The following RELL1 variants were observed in gnomAD, a reference collection of about 807,000 sequenced individuals.
The protein encoded by RELL1 is RELT-like protein 1.
RELL1 carries 10 observed loss-of-function variants against 23.0 expected under a neutral mutation model. That is an observed-to-expected ratio of 0.43 (90% CI 0.27 to 0.74). The LOEUF (loss-of-function observed/expected upper bound fraction) is 0.74. Among genes scored for constraint, RELL1 ranks in the 30% least tolerant of loss-of-function variants. The pLI is 0.19. For synonymous variants in RELL1, 146 were observed against 146.8 expected, an observed-to-expected ratio of 0.99 and a Z score of 0.04; for missense variants, 315 against 364.4, an observed-to-expected ratio of 0.86 and a Z score of 1.10.
At chr4:37,637,480 C>G (rs552110020) in intron 4 of RELL1, among the ~76,000 whole-genome samples, 1 of 152,332 alleles carries the variant, frequency 6.6e-6, no homozygotes, top group Admixed American at 6.5e-5. Context: ...GCCCTTCTTC[C>G]TACAGCCAGC....
rs571081117 is a variant in RELL1, at chr4:37,651,685, G to A, written c.89-2185C>T. ...AGTTAAATCCTCGGACCAGATGGAG[G>A]ACTTGTCTTCCTGTTTGGTGCGCTT... is the stretch of plus-strand genomic sequence containing the variant. On this transcript the variant is annotated intron_variant, in intron 1 of 6. Transcript: ENST00000454158. Among the ~76,000 whole-genome samples the A allele has an allele frequency of 2.3e-4, 35 of 152,206 alleles. 1 individual carries two copies. The South Asian group carries it at 6.6e-3, about 29-fold the overall frequency.
rs869260737 is a variant in RELL1, at chr4:37,598,284, A to AAAAAAAAAAAAAAAAG, written c.*4-7068_*4-7067insCTTTTTTTTTTTTTTT. 5.1e-5 allele frequency among the ~76,000 whole-genome samples: 6 copies of AAAAAAAAAAAAAAAAG among 117,252 alleles called. 1 individual carries two copies. Among genetic ancestry groups the AAAAAAAAAAAAAAAAG allele is most frequent in the Admixed American group, 1.9e-4 (2 of 10,318 alleles). 76.9% of individuals were successfully genotyped at this position (117,252 alleles called of 152,430 possible). A position where few individuals can be genotyped will look rare whatever the true frequency, so the allele number is the denominator to read the frequency against. ...AAAAAAAAAAAAAAAAAAAAAAAAA[A>AAAAAAAAAAAAAAAAG]GTTTATAGGAAGAAAATATATAGAG... On this transcript the variant is annotated intron_variant, in intron 6 of 6. Transcript: ENST00000314117.
chr4:37,639,383 CA>C (rs58310167), intron 3 of RELL1, among the ~76,000 whole-genome samples: 4,312 of 65,996 alleles, frequency 0.065, 65 homozygotes, highest in East Asian at 0.25. Flanking sequence ...GACTCTGTCT[CA>C]AAAAAAAAAA....
intron 6 of RELL1, among the ~76,000 whole-genome samples, chr4:37,592,097 A>G (rs1718639216): frequency 6.6e-6 from 1 of 151,356 alleles, no homozygotes; most frequent in Non-Finnish European, 1.5e-5. Context: ...AATCCCAGCT[A>G]CTTGGGAGGC....
intron 1 of RELL1, among the ~76,000 whole-genome samples, chr4:37,685,663 G>A (rs754284929): frequency 3.9e-5 from 6 of 152,206 alleles, no homozygotes; most frequent in Non-Finnish European, 7.4e-5. Flanking sequence ...AAGAAATGTG[G>A]ACTCCTTGAC....
At chr4:37,598,638 C>T (rs765061783) in intron 6 of RELL1, among the ~76,000 whole-genome samples, 1 of 151,998 alleles carries the variant, frequency 6.6e-6, no homozygotes, top group East Asian at 1.9e-4. Flanking sequence ...CAGAATCACA[C>T]AACCAGACAG....
intron 6 of RELL1, among the ~76,000 whole-genome samples, chr4:37,626,659 G>A (rs1301307490): frequency 2.0e-5 from 3 of 152,046 alleles, no homozygotes; most frequent in Non-Finnish European, 1.5e-5. Flanking sequence ...ACATATGAAT[G>A]AATAAAATGT....
At chr4:37,638,537 A>G (rs749916051) in intron 3 of RELL1, 33 bp from the exon 4 acceptor site, 2 of 1,483,232 alleles carry the variant, frequency 1.3e-6, no homozygotes, top group South Asian at 2.4e-5. Flanking sequence ...AAGAATTAAA[A>G]TAGAATGAAT....
intron 1 of RELL1, among the ~76,000 whole-genome samples, chr4:37,656,528 A>G (rs984457861): frequency 6.6e-6 from 1 of 152,242 alleles, no homozygotes; most frequent in Admixed American, 6.5e-5. Context: ...GAGAGAAGGA[A>G]AGAAACAAAC....
intron 1 of RELL1, among the ~76,000 whole-genome samples, chr4:37,667,406 T>C (rs1721575209): frequency 6.7e-6 from 1 of 150,128 alleles, no homozygotes; most frequent in Non-Finnish European, 1.5e-5. Context: ...CTATGCCAGG[T>C]CACACAGGTA....
At chr4:37,654,892 T>A (rs1300691236) in intron 1 of RELL1, among the ~76,000 whole-genome samples, 1 of 152,328 alleles carries the variant, frequency 6.6e-6, no homozygotes, top group African/African-American at 2.4e-5. Flanking sequence ...CATGAAGGTA[T>A]AAAGCCAAAA....
At chr4:37,628,418 C>T (rs73807863) in intron 6 of RELL1, among the ~76,000 whole-genome samples, 8,141 of 152,212 alleles carry the variant, frequency 0.053, 247 homozygotes, top group Non-Finnish European at 0.072. Flanking sequence ...CGGAATGTGC[C>T]TTTCAAAGCA....
At chr4:37,646,915 G>C (rs1389164367) in intron 3 of RELL1, among the ~76,000 whole-genome samples, 1 of 151,912 alleles carries the variant, frequency 6.6e-6, no homozygotes, top group Non-Finnish European at 1.5e-5. Context: ...TGAAGAGATG[G>C]GGTCTCACTA....
chr4:37,641,570 A>G (rs6822591), intron 3 of RELL1, among the ~76,000 whole-genome samples: 79,012 of 151,812 alleles, frequency 0.52, 20,834 homozygotes, highest in South Asian at 0.58. Flanking sequence ...TCCTTTCCCC[A>G]CCTTCCCCAA....
chr4:37,652,836 A>T lies in RELL1; in HGVS notation c.89-3336T>A, dbSNP rs1280816716. 2.0e-5 allele frequency among the ~76,000 whole-genome samples: 3 copies of T among 152,218 alleles called. No individual in the cohort carries two copies. In the Middle Eastern group the frequency reaches 9.5e-3, roughly 482 times the overall value. ...CTGAAGATATTAATCTACATTAGTG[A>T]AGCATATAAATTACAGGGAGAGGCA... On this transcript the variant is annotated intron_variant, in intron 1 of 6. Transcript: ENST00000454158.
downstream of RELL1, among the ~76,000 whole-genome samples, chr4:37,606,828 A>G (rs1719235631): frequency 1.3e-5 from 2 of 152,234 alleles, no homozygotes. This position sits in a 1 kb window ranked among gnomAD's most constrained non-coding sequence, Gnocchi z 4.1. Context: ...AAGCAGAAAT[A>G]AGATATTGGC....
In RELL1 at chr4:37,612,174, C is replaced by A. The variant is rs1409430284; in HGVS notation, c.*1172G>T. On this transcript the variant is annotated 3_prime_UTR_variant, in exon 7 of 7. Coordinates refer to ENST00000454158, the MANE Select transcript of RELL1 (RefSeq NM_001085400.2). ...CCTGGGCGACAGAGCGAGACTCCGC[C>A]TCAAAAAAAAAAAAAAAAAAAAAAA... Among the ~76,000 whole-genome samples, 11 of 39,996 alleles carry A rather than the reference C, an allele frequency of 2.8e-4. No individual in the cohort carries two copies. Among genetic ancestry groups the A allele is most frequent in the Non-Finnish European group, 5.0e-4 (11 of 21,988 alleles). The allele number at this position is 39,996 out of a possible 152,430, so 26.2% of individuals were successfully genotyped here.
At chr4:37,604,513 G>GCA (rs755874118) in intron 6 of RELL1, among the ~76,000 whole-genome samples, 12 of 151,662 alleles carry the variant, frequency 7.9e-5, no homozygotes, top group Middle Eastern at 3.4e-3. Flanking sequence ...ATACACACGC[G>GCA]CACACACACA....
intron 3 of RELL1, among the ~76,000 whole-genome samples, chr4:37,639,737 C>T (rs1413027236): frequency 2.0e-5 from 3 of 152,206 alleles, no homozygotes; most frequent in Non-Finnish European, 1.5e-5. Flanking sequence ...AAGCACTGTT[C>T]TCATGACTAA....
Sources: allele counts gnomAD v4.1 joint callset (sites outside exome capture counted in the v4.1 genomes callset), GRCh38; gene constraint gnomAD v4.1.1; non-coding constraint Gnocchi (gnomAD v3.1); transcripts MANE v1.5; gene names NCBI Gene and HGNC (gene_info 2026-07-23, HGNC 2026-07-21).